The following MTCL2 variants were observed in gnomAD, a reference collection of about 807,000 sequenced individuals.
MTCL2 encodes microtubule crosslinking factor 2, also known as microtubule cross-linking factor 2.
chr20:36,817,451 C>T, the MTCL2 span: 1 of 1,581,614 alleles, frequency 6.3e-7, no homozygotes, highest in Admixed American at 1.8e-5. Flanking sequence ...GAGCGGGTTC[C>T]TCTTTTCTTC....
chr20:36,793,125 G>C, the MTCL2 span: 1 of 1,224,580 alleles, frequency 8.2e-7, no homozygotes, highest in Non-Finnish European at 1.1e-6. The surrounding 1 kb of genome is among the most constrained non-coding windows in gnomAD (Gnocchi z 6.8). Context: ...GACTGGTCTT[G>C]AACTCCTGAT....
the MTCL2 span, chr20:36,785,623 G>A: frequency 1.0e-6 from 1 of 985,354 alleles, no homozygotes; most frequent in Non-Finnish European, 1.2e-6. Flanking sequence ...CAGGGAAAGA[G>A]GCCTCTGAGA....
chr20:36,811,608 C>A, the MTCL2 span, among the ~76,000 whole-genome samples: 3 of 149,232 alleles, frequency 2.0e-5, no homozygotes, highest in Non-Finnish European at 4.4e-5. Context: ...CCAGACTGGG[C>A]AACAGAGCGA....
the MTCL2 span, among the ~76,000 whole-genome samples, chr20:36,828,420 G>A: frequency 1.3e-5 from 2 of 152,318 alleles, no homozygotes; most frequent in South Asian, 4.1e-4. Context: ...CTGTCAAGCA[G>A]GGCGCATAAC....
the MTCL2 span, among the ~76,000 whole-genome samples, chr20:36,837,699 C>G: frequency 7.9e-5 from 12 of 151,634 alleles, no homozygotes; most frequent in East Asian, 2.1e-3. Flanking sequence ...TGTCTCAGCC[C>G]CTGAGTAGCT....
chr20:36,816,105 A>G, the MTCL2 span: 2 of 1,613,512 alleles, frequency 1.2e-6, no homozygotes, highest in Non-Finnish European at 1.7e-6. Context: ...GTGCACCTTC[A>G]GCTCGGTCTC....
chr20:36,818,262 T>C, the MTCL2 span, among the ~76,000 whole-genome samples: 4 of 152,210 alleles, frequency 2.6e-5, no homozygotes, highest in African/African-American at 9.6e-5. Flanking sequence ...TAATTCAGAA[T>C]GAATACTAAT....
At chr20:36,844,681 A>G in the MTCL2 span, among the ~76,000 whole-genome samples, 1 of 148,700 alleles carries the variant, frequency 6.7e-6, no homozygotes, top group East Asian at 2.0e-4. Context: ...CAGAGCAAGA[A>G]CCTGTCTCTA....
chr20:36,810,717 C>CCTCTCTCTCTCCCT, the MTCL2 span, among the ~76,000 whole-genome samples: 1 of 94,194 alleles, frequency 1.1e-5, no homozygotes, highest in African/African-American at 4.0e-5. Context: ...TCTCTCTCTC[C>CCTCTCTCTCTCCCT]CTCTCTCTCT....
At chr20:36,785,223 G>C in the MTCL2 span, 5 of 985,384 alleles carry the variant, frequency 5.1e-6, no homozygotes, top group East Asian at 3.4e-4. Context: ...CAGGAGGCCA[G>C]GTCTCCAAAC....
the MTCL2 span, chr20:36,808,839 T>C: frequency 1.7e-6 from 2 of 1,144,922 alleles, no homozygotes; most frequent in Non-Finnish European, 2.4e-6. Context: ...AAAGTCTGGG[T>C]GGTGCCTGTG....
At chr20:36,804,724 G>C in the MTCL2 span, 1 of 1,610,810 alleles carries the variant, frequency 6.2e-7, no homozygotes, top group Non-Finnish European at 8.5e-7. Flanking sequence ...TCTGACAGGT[G>C]GGGGGCTCAC....
At chr20:36,798,516 G>T in the MTCL2 span, among the ~76,000 whole-genome samples, 3 of 152,298 alleles carry the variant, frequency 2.0e-5, no homozygotes, top group East Asian at 5.8e-4. Context: ...ATTGTTGGTG[G>T]CTCCATCTGT....
At chr20:36,825,097 C>T in the MTCL2 span, among the ~76,000 whole-genome samples, 3 of 151,950 alleles carry the variant, frequency 2.0e-5, no homozygotes, top group Non-Finnish European at 4.4e-5. Flanking sequence ...CGCCCACCAC[C>T]ACACTTGGCT....
the MTCL2 span, among the ~76,000 whole-genome samples, chr20:36,798,485 A>C: frequency 6.6e-6 from 1 of 152,232 alleles, no homozygotes; most frequent in Non-Finnish European, 1.5e-5. Flanking sequence ...TGACTGAGTG[A>C]ATGATCGTGT....
chr20:36,784,949 C>T, the MTCL2 span: 1 of 985,454 alleles, frequency 1.0e-6, no homozygotes, highest in Non-Finnish European at 1.2e-6. Context: ...GATCTCCACA[C>T]TCTTAATAGA....
chr20:36,863,394 C>G, the MTCL2 span: 3 of 1,133,570 alleles, frequency 2.6e-6, no homozygotes, highest in Non-Finnish European at 3.3e-6. This position sits in a 1 kb window ranked among gnomAD's most constrained non-coding sequence, Gnocchi z 6.2. Flanking sequence ...CAGGCCCGCC[C>G]GGCCTCGACG....
the MTCL2 span, among the ~76,000 whole-genome samples, chr20:36,841,664 G>A: frequency 6.6e-6 from 1 of 152,146 alleles, no homozygotes; most frequent in Non-Finnish European, 1.5e-5. Flanking sequence ...ACATGGTACT[G>A]TGAAGGGCCA....
chr20:36,844,786 C>T, the MTCL2 span, among the ~76,000 whole-genome samples: 1 of 151,724 alleles, frequency 6.6e-6, no homozygotes, highest in Non-Finnish European at 1.5e-5. Context: ...ATGGGGAGAC[C>T]GAGGCGGGCG....
Sources: gnomAD v4.1 joint callset for allele counts (sites outside exome capture counted in the v4.1 genomes callset) on GRCh38, gnomAD v4.1.1 for gene constraint, Gnocchi (gnomAD v3.1) non-coding constraint, MANE v1.5 for transcripts, NCBI Gene and HGNC (gene_info 2026-07-23, HGNC 2026-07-21) for gene names.